The following EGF variants were observed in gnomAD, a reference collection of about 807,000 sequenced individuals.
EGF encodes the protein pro-epidermal growth factor.
Under a neutral mutation model 143.8 loss-of-function variants are expected in EGF, and 95 were observed. The ratio of observed to expected loss-of-function variants is 0.66; its 90% confidence interval spans 0.56 to 0.78. The LOEUF is 0.78. Ranked by LOEUF, EGF falls within the 30% of genes least tolerant of loss-of-function variation. The pLI, the probability that EGF is intolerant of heterozygous loss-of-function variation, is 0.00. For synonymous variants in EGF, 510 were observed against 510.5 expected (o/e 1.00, Z 0.01); for missense variants, 1,320 against 1,470.9 (o/e 0.90, Z 1.68).
In EGF at chr4:109,913,145, T is replaced by C; in HGVS notation, c.-191T>C. On this transcript the variant is annotated 5_prime_UTR_variant, in exon 1 of 24. Coordinates refer to ENST00000265171, the MANE Select transcript of EGF (RefSeq NM_001963.6). ...TTTCCTGTGGCTTCCCTTGGCAGGC[T>C]GCATTCAGAAGGTCTCTCAGTTGAA... The C allele has an allele frequency of 1.7e-6, 1 of 600,716 alleles. No homozygotes were observed. The highest frequency in any genetic ancestry group is 1.9e-5 in the South Asian group (1 of 52,628). 37.2% of individuals were successfully genotyped at this position (600,716 alleles called of 1,614,324 possible).
chr4:109,997,030 A>G (rs1751890147), intron 20 of EGF, among the ~76,000 whole-genome samples: 1 of 151,710 alleles, frequency 6.6e-6, no homozygotes, highest in Non-Finnish European at 1.5e-5. Flanking sequence ...CCATCGTCTT[A>G]TTATTACTCA....
chr4:109,972,130 G>A (rs1313921255), intron 11 of EGF, among the ~76,000 whole-genome samples: 2 of 152,062 alleles, frequency 1.3e-5, no homozygotes, highest in Non-Finnish European at 2.9e-5. Flanking sequence ...GAGGATCTCA[G>A]TGACACTGGG....
intron 1 of EGF, among the ~76,000 whole-genome samples, chr4:109,931,407 T>G (rs544322622): frequency 2.6e-5 from 4 of 152,200 alleles, no homozygotes; most frequent in South Asian, 4.1e-4. Context: ...GAATTACAAT[T>G]GGCTACGCAA....
chr4:109,968,702 AT>A (rs1560708121), intron 10 of EGF: 17 of 432,204 alleles, frequency 3.9e-5, no homozygotes, highest in East Asian at 1.1e-4. Context: ...CTATCTATCT[AT>A]CTATCTACCT....
Position 109,986,520 on chromosome 4 carries a change from T to G in EGF, c.2492-1224T>G, listed in dbSNP as rs11569036. Among the ~76,000 whole-genome samples the G allele has an allele frequency of 3.1e-4, 47 of 152,334 alleles. 1 individual carries two copies. The highest frequency in any genetic ancestry group is 1.1e-3 in the African/African-American group (46 of 41,584). ...GCAAATCAAATGCAATTACCCAATG[T>G]CTGCATTCACATGCCACCTGAATCC... On this transcript the variant is annotated intron_variant, in intron 16 of 23. Coordinates refer to ENST00000265171, the MANE Select transcript of EGF (RefSeq NM_001963.6).
intron 18 of EGF, 37 bp from the exon 19 acceptor site, chr4:109,993,210 C>A: frequency 6.2e-7 from 1 of 1,611,870 alleles, no homozygotes; most frequent in South Asian, 1.1e-5. Context: ...TTTTCTGTAC[C>A]CCACTTTTCT....
intron 3 of EGF, 95 bp downstream of exon 3, chr4:109,943,530 C>T: frequency 7.1e-7 from 1 of 1,399,340 alleles, no homozygotes. Context: ...GATCCTCTCA[C>T]TGAGACCAAA....
chr4:109,980,220 G>C (rs562322735), intron 14 of EGF, 81 bp downstream of exon 14: 8 of 1,403,620 alleles, frequency 5.7e-6, no homozygotes, highest in Admixed American at 2.4e-5. Context: ...TGCAGTTGGC[G>C]GGGGGGTGGA....
chr4:109,999,640 C>A, intron 20 of EGF, 39 bp from the exon 21 acceptor site: 2 of 1,614,000 alleles, frequency 1.2e-6, no homozygotes, highest in South Asian at 2.2e-5. Flanking sequence ...CGTTTTTGGC[C>A]AGGCATCTCT....
intron 5 of EGF, among the ~76,000 whole-genome samples, chr4:109,947,036 T>G (rs1742981916): frequency 6.6e-6 from 1 of 152,074 alleles, no homozygotes; most frequent in African/African-American, 2.4e-5. Context: ...GGAGGATCAC[T>G]TGAACCCAGG....
intron 16 of EGF, among the ~76,000 whole-genome samples, chr4:109,987,149 T>C (rs1199609272): frequency 6.6e-6 from 1 of 152,176 alleles, no homozygotes; most frequent in Non-Finnish European, 1.5e-5. Context: ...TCTATTTGCT[T>C]CTAGCAATTT....
chr4:109,955,945 T>C (rs1374827408), intron 5 of EGF, among the ~76,000 whole-genome samples: 1 of 152,036 alleles, frequency 6.6e-6, no homozygotes, highest in Non-Finnish European at 1.5e-5. Flanking sequence ...AGGTGAGAGG[T>C]AGTAGAAAGG....
In EGF at chr4:109,943,901, T is replaced by C. The variant is rs1742357997; in HGVS notation, c.569T>C (p.Val190Ala). The C allele has an allele frequency of 1.2e-6, 2 of 1,613,932 alleles. No individual in the cohort carries two copies. The highest frequency in any genetic ancestry group is 1.7e-6 in the Non-Finnish European group (2 of 1,179,990). ...CTTTATAGAGCAGATCTCGATGGTGTGGGAGTGAAGGCTCTGTTGGAGACA... is the reference window on the plus strand; with the variant it reads ...CTTTATAGAGCAGATCTCGATGGTGCGGGAGTGAAGGCTCTGTTGGAGACA... The part of the protein sequence containing the change: ...GSLYRADLDG[V>A]GVKALLETSE... The change falls in exon 4 of 24, where the codon GTG (valine) becomes GCG (alanine). Residue 190 changes from valine to alanine, a missense_variant. By Grantham distance (64) the Val-to-Ala change is moderately conservative. This residue lies in a region of EGF where 1,186 missense variants were observed against 1,313.7 expected (regional missense o/e 0.90). Transcript: ENST00000265171.
At chr4:109,973,090 G>T (rs969155602) in intron 11 of EGF, among the ~76,000 whole-genome samples, 2 of 152,162 alleles carry the variant, frequency 1.3e-5, no homozygotes, top group African/African-American at 4.8e-5. Flanking sequence ...GCTCTTCTTA[G>T]CCCTATTTAT....
At chr4:109,941,826 C>T (rs1044342101) in intron 2 of EGF, among the ~76,000 whole-genome samples, 1 of 152,208 alleles carries the variant, frequency 6.6e-6, no homozygotes. Flanking sequence ...AAGTACTTTA[C>T]TTCATGTACA....
rs1578422236 is a variant in EGF at position 110,011,260 on chromosome 4, G to A, written c.3429G>A (p.Glu1143=). 1 of 1,614,192 alleles carries A rather than the reference G, an allele frequency of 6.2e-7. No homozygotes were observed. Among genetic ancestry groups the A allele is most frequent in the Non-Finnish European group, 8.5e-7 (1 of 1,180,036 alleles). ...CCCAGTTATGTGGAATGGGCACAGA[G>A]CAAGGCTGCTGGATTCCAGTATCCA... ...QEPQLCGMGT[E]QGCWIPVSSD... is the part of the protein sequence containing the mutation. The change falls in exon 24 of 24, where the codon GAG becomes GAA. Residue 1143 remains glutamate (E), a synonymous_variant. Transcript: ENST00000265171.
At chr4:109,955,759 TA>T (rs377099094) in intron 5 of EGF, among the ~76,000 whole-genome samples, 96 of 152,288 alleles carry the variant, frequency 6.3e-4, no homozygotes, top group African/African-American at 2.1e-3. Context: ...GTGGATGTAT[TA>T]GATGTTTACT....
rs771293553 is a variant in EGF at position 109,913,378 on chromosome 4, T to A, written c.43T>A (p.Phe15Ile). Residue 15 changes from phenylalanine (F) to isoleucine (I), a missense_variant, in exon 1 of 24, where the codon TTT becomes ATT. Transcript: ENST00000265171. ...LIILLPVVSKFSFVSLSAPQH... is the reference protein window; with the variant it reads ...LIILLPVVSKISFVSLSAPQH... ...CATTCTGTTGCCAGTAGTTTCAAAATTTAGTTTTGTTAGTCTCTCAGCACC... is the reference window on the plus strand; with the variant it reads ...CATTCTGTTGCCAGTAGTTTCAAAAATTAGTTTTGTTAGTCTCTCAGCACC... The A allele has an allele frequency of 1.2e-6, 2 of 1,614,008 alleles. No homozygotes were observed. The highest frequency in any genetic ancestry group is 2.2e-5 in the South Asian group (2 of 91,082).
intron 22 of EGF, among the ~76,000 whole-genome samples, chr4:110,006,844 G>A (rs993285746): frequency 6.6e-6 from 1 of 152,242 alleles, no homozygotes; most frequent in Admixed American, 6.5e-5. Flanking sequence ...TGCTGCTGTA[G>A]ATATCAGTGG....
Sources: allele counts gnomAD v4.1 joint callset (sites outside exome capture counted in the v4.1 genomes callset), GRCh38; gene constraint gnomAD v4.1.1; regional missense constraint gnomAD v4.1.1; transcripts MANE v1.5; gene names NCBI Gene and HGNC (gene_info 2026-07-23, HGNC 2026-07-21).